ZNF829: variants seen among roughly 807,000 people sequenced by gnomAD.
ZNF829 encodes zinc finger protein 829.
A neutral mutation model predicts 35.2 loss-of-function variants in ZNF829; 25 were observed. The observed-to-expected ratio is 0.71, with a 90% CI of 0.52 to 0.99. The LOEUF is 0.99. ZNF829 is among the 50% of genes least tolerant of loss of function. ZNF829 has a pLI of 0.00. For missense variants in ZNF829, 417 were observed against 515.3 expected, an observed-to-expected ratio of 0.81 and a Z score of 1.85; for synonymous variants, 136 against 163.2, an observed-to-expected ratio of 0.83 and a Z score of 1.27.
intron 5 of ZNF829, among the ~76,000 whole-genome samples, chr19:36,897,531 T>C (rs190237397): frequency 7.2e-5 from 11 of 152,222 alleles, no homozygotes; most frequent in Admixed American, 3.9e-4. Context: ...CTCTCAACGA[T>C]TAGGCATTAA....
rs1240581268 is a variant in ZNF829, at chr19:36,907,513, A to C, written c.319+416T>G. The C allele has an allele frequency of 3.4e-5, 6 of 175,542 alleles. No homozygotes were observed. The Admixed American group carries it at 3.8e-4, about 11-fold the overall frequency. 10.9% of individuals were successfully genotyped at this position (175,542 alleles called of 1,614,324 possible). A position where few individuals can be genotyped will look rare whatever the true frequency, so the allele number is the denominator to read the frequency against. The stretch of plus-strand genomic sequence containing the variant: ...ATGTTATACTTCAATTTTGTTTTCA[A>C]GTAAGAAATAATCAAATGTTTGATA... On this transcript the variant is annotated intron_variant, in intron 5 of 5. Coordinates refer to ENST00000391711, the MANE Select transcript of ZNF829 (RefSeq NM_001037232.4).
chr19:36,904,781 T>C (rs1334570980), intron 5 of ZNF829, among the ~76,000 whole-genome samples: 1 of 152,178 alleles, frequency 6.6e-6, no homozygotes, highest in Non-Finnish European at 1.5e-5. Context: ...AAATTAATTA[T>C]TTTAAAATGA....
intron 5 of ZNF829, among the ~76,000 whole-genome samples, chr19:36,900,834 C>T (rs12983702): frequency 0.097 from 12,895 of 132,734 alleles, 601 homozygotes; most frequent in Admixed American, 0.14. Flanking sequence ...GGCAACAGAG[C>T]GAGACTGTCT....
chr19:36,915,844 C>G, intron 1 of ZNF829, 167 bp downstream of exon 1: 1 of 1,535,964 alleles, frequency 6.5e-7, no homozygotes, highest in African/African-American at 1.4e-5. Flanking sequence ...ATCCTCCTGC[C>G]TCGGCCTCCC....
At chr19:36,909,816 AAAAAG>A (rs1232812267) in intron 3 of ZNF829, among the ~76,000 whole-genome samples, 24 of 151,952 alleles carry the variant, frequency 1.6e-4, no homozygotes, top group African/African-American at 4.6e-4. Flanking sequence ...CAAAAAAAAA[AAAAAG>A]AAAGAAAGAA....
chr19:36,902,093 C>T lies in ZNF829; in HGVS notation c.319+5836G>A, dbSNP rs1019721270. ...ATCTGTTACCACTTTCAAAAATCTA[C>T]AGACAGTCAATGTGGATGAGAACTA... On this transcript the variant is annotated intron_variant, in intron 5 of 5. Coordinates refer to ENST00000391711, the MANE Select transcript of ZNF829 (RefSeq NM_001037232.4). 25 of 450,476 alleles carry T rather than the reference C, an allele frequency of 5.5e-5. 1 individual carries two copies. The highest frequency in any genetic ancestry group is 1.3e-3 in the Middle Eastern group (2 of 1,576). The allele number at this position is 450,476 out of a possible 1,614,324, so 27.9% of individuals were successfully genotyped here.
chr19:36,892,474 G>C lies in ZNF829; in HGVS notation c.320-3C>G. On this transcript the variant is annotated splice_polypyrimidine_tract_variant and splice_region_variant and intron_variant, in intron 5 of 5. Transcript: ENST00000391711. ...GGTCTCACACATTGATTCCAGATCT[G>C]AAAGAAAATACAAAGGCAAATAAAT... is the stretch of plus-strand genomic sequence containing the variant. The C allele has an allele frequency of 6.4e-7, 1 of 1,557,060 alleles. No individual in the cohort carries two copies. Among genetic ancestry groups the C allele is most frequent in the Non-Finnish European group, 8.6e-7 (1 of 1,160,268 alleles).
intron 5 of ZNF829, chr19:36,893,055 T>G: frequency 2.5e-6 from 1 of 399,470 alleles, no homozygotes; most frequent in Non-Finnish European, 4.4e-6. Flanking sequence ...TACTGTATGT[T>G]TTGCAATTCG....
At chr19:36,893,892 G>A (rs1180161486) in intron 5 of ZNF829, among the ~76,000 whole-genome samples, 1 of 152,030 alleles carries the variant, frequency 6.6e-6, no homozygotes, top group Non-Finnish European at 1.5e-5. Context: ...GTCTCACTTT[G>A]CCCTCCTGAA....
chr19:36,908,006 G>A lies in ZNF829; in HGVS notation c.242C>T (p.Pro81Leu), dbSNP rs761726115. ...TTGTTCCAATAAGGAGATCACAGCTGGCTTAGAATTGGAAAGTCCTGTTCA... is the reference window on the plus strand; with the variant it reads ...TTGTTCCAATAAGGAGATCACAGCTAGCTTAGAATTGGAAAGTCCTGTTCA... Reference protein sequence around the residue: ...LVSVGLSNSKPAVISLLEQGK... With the variant: ...LVSVGLSNSKLAVISLLEQGK... Residue 81 changes from proline to leucine, a missense_variant, in exon 5 of 6, where the codon CCA (proline) becomes CTA (leucine). Transcript: ENST00000391711. 2 of 1,613,802 alleles carry A rather than the reference G, an allele frequency of 1.2e-6. No individual in the cohort carries two copies. The highest frequency in any genetic ancestry group is 2.7e-5 in the African/African-American group (2 of 74,990).
At chr19:36,898,860 G>A (rs775379148) in intron 5 of ZNF829, among the ~76,000 whole-genome samples, 7 of 152,090 alleles carry the variant, frequency 4.6e-5, no homozygotes, top group Non-Finnish European at 7.4e-5. Context: ...AACTCAAAAT[G>A]AATTAAATAC....
intron 5 of ZNF829, among the ~76,000 whole-genome samples, chr19:36,896,623 C>A (rs1041029180): frequency 6.6e-6 from 1 of 152,164 alleles, no homozygotes; most frequent in Non-Finnish European, 1.5e-5. Context: ...CCAAATGGAC[C>A]TACCAGACAC....
chr19:36,892,252 C>T lies in ZNF829; in HGVS notation c.539G>A (p.Gly180Asp). 6.2e-7 allele frequency: 1 copy of T among 1,614,002 alleles called. No homozygotes were observed. The highest frequency in any genetic ancestry group is 8.5e-7 in the Non-Finnish European group (1 of 1,180,022). Residue 180 changes from glycine to aspartate, a missense_variant, in exon 6 of 6, where the codon GGT becomes GAT. Coordinates refer to ENST00000391711, the MANE Select transcript of ZNF829 (RefSeq NM_001037232.4). ...QFIQHQRIHFGEKHYESKEYG... is the reference protein window; with the variant it reads ...QFIQHQRIHFDEKHYESKEYG... ...CTCCTTAGATTCATAGTGTTTTTCA[C>T]CAAAATGAATTCTCTGATGTTGGAT...
chr19:36,914,945 AAG>A lies in ZNF829; in HGVS notation c.96+18_96+19del, dbSNP rs1262661162. ...TTTAAGCAAGAATTTTCAGAAGAAA[AAG>A]AGGAAACCCCAACACACCTTGGATA... On this transcript the variant is annotated intron_variant, in intron 3 of 5. Transcript: ENST00000391711. 3.7e-6 allele frequency: 6 copies of A among 1,613,678 alleles called. No individual in the cohort carries two copies. The highest frequency in any genetic ancestry group is 5.1e-6 in the Non-Finnish European group (6 of 1,179,664).
At chr19:36,897,911 A>G (rs191720114) in intron 5 of ZNF829, among the ~76,000 whole-genome samples, 255 of 152,364 alleles carry the variant, frequency 1.7e-3, no homozygotes, top group African/African-American at 5.7e-3. Context: ...GCTCACGCCT[A>G]TAATCCCAGC....
chr19:36,891,714 C>T lies in ZNF829; in HGVS notation c.1077G>A (p.Lys359=), dbSNP rs1340983321. 2 of 1,614,100 alleles carry T rather than the reference C, an allele frequency of 1.2e-6. No individual in the cohort carries two copies. The highest frequency in any genetic ancestry group is 2.2e-5 in the South Asian group (2 of 91,080). ...TAAGTTCTGAGCTCTGAATAAAGGC[C>T]TTTCTACATTCTTCACATTCATAGA... is the stretch of plus-strand genomic sequence containing the variant. ...EKLYECEECR[K]AFIQSSELIQ... is the part of the protein sequence containing the mutation. Residue 359 remains lysine, a synonymous_variant, in exon 6 of 6, where the codon AAG becomes AAA. Coordinates refer to ENST00000391711, the MANE Select transcript of ZNF829 (RefSeq NM_001037232.4).
At chr19:36,894,167 G>A (rs1600729613) in intron 5 of ZNF829, among the ~76,000 whole-genome samples, 1 of 152,150 alleles carries the variant, frequency 6.6e-6, no homozygotes, top group African/African-American at 2.4e-5. Flanking sequence ...CTAAGCCACT[G>A]AGGAACTCAC....
chr19:36,888,432 A>G lies in ZNF829; in HGVS notation c.*3060T>C, dbSNP rs1010186240. Reference sequence around the variant, plus strand: ...CAGTACTCCCACGTCAATAAAATTTATACACCCATTTTCTGTTCCCACCTA... The same window carrying G: ...CAGTACTCCCACGTCAATAAAATTTGTACACCCATTTTCTGTTCCCACCTA... On this transcript the variant is annotated 3_prime_UTR_variant, in exon 6 of 6. Coordinates refer to ENST00000391711, the MANE Select transcript of ZNF829 (RefSeq NM_001037232.4). The G allele has an allele frequency of 8.5e-5, 13 of 152,270 alleles. No individual in the cohort carries two copies. Among genetic ancestry groups the G allele is most frequent in the African/African-American group, 3.1e-4 (13 of 41,560 alleles). The allele number at this position is 152,270 out of a possible 1,614,324, so 9.4% of individuals were successfully genotyped here. A position where few individuals can be genotyped will look rare whatever the true frequency, so the allele number is the denominator to read the frequency against.
rs567646926 is a variant in ZNF829 at position 36,903,563 on chromosome 19, A to G, written c.319+4366T>C. ...TAGTTGAGACTATCTGGGAATAATCATAACAGAAATGTAATAGATATGCTT... is the reference window on the plus strand; with the variant it reads ...TAGTTGAGACTATCTGGGAATAATCGTAACAGAAATGTAATAGATATGCTT... On this transcript the variant is annotated intron_variant, in intron 5 of 5. Coordinates refer to ENST00000391711, the MANE Select transcript of ZNF829 (RefSeq NM_001037232.4). 2.0e-5 allele frequency among the ~76,000 whole-genome samples: 3 copies of G among 152,334 alleles called. No individual in the cohort carries two copies. In the South Asian group the frequency reaches 6.2e-4, roughly 32 times the overall value.
Sources: gnomAD v4.1 joint callset for allele counts (sites outside exome capture counted in the v4.1 genomes callset) on GRCh38, gnomAD v4.1.1 for gene constraint, MANE v1.5 for transcripts, NCBI Gene and HGNC (gene_info 2026-07-23, HGNC 2026-07-21) for gene names.